Variants in SUGCT observed in about 807,000 individuals in gnomAD.
SUGCT encodes succinyl-CoA:glutarate CoA-transferase.
In SUGCT, 41 loss-of-function variants were observed where a neutral mutation model predicts 55.0. The ratio of observed to expected loss-of-function variants is 0.74; its 90% confidence interval spans 0.58 to 0.97. SUGCT has a LOEUF of 0.97. SUGCT is among the 50% of genes least tolerant of loss of function. The pLI is 0.00. For missense variants in SUGCT, 568 were observed against 547.8 expected (o/e 1.04, Z -0.37); for synonymous variants, 187 against 200.4 (o/e 0.93, Z 0.56).
intron 10 of SUGCT, among the ~76,000 whole-genome samples, chr7:40,455,075 A>G (rs939810437): frequency 6.6e-6 from 1 of 152,160 alleles, no homozygotes; most frequent in Non-Finnish European, 1.5e-5. Flanking sequence ...ACAGATAAAT[A>G]CAACATAAAA....
At chr7:40,991,450 G>A in the SUGCT span, among the ~76,000 whole-genome samples, 1,893 of 152,222 alleles carry the variant, frequency 0.012, 47 homozygotes, top group African/African-American at 0.043. Context: ...ACAGAGACAC[G>A]AAGTGAGTGC....
At chr7:40,384,645 G>T (rs765782393) in intron 9 of SUGCT, among the ~76,000 whole-genome samples, 16 of 151,926 alleles carry the variant, frequency 1.1e-4, no homozygotes, top group Non-Finnish European at 1.9e-4. Context: ...CTGCCTTCAA[G>T]CAATTCTCCT....
In SUGCT at chr7:40,703,466, A is replaced by G. The variant is rs1785258710; in HGVS notation, c.1090-45968A>G. Among the ~76,000 whole-genome samples the G allele has an allele frequency of 2.0e-5, 3 of 152,072 alleles. No individual in the cohort carries two copies. In the South Asian group the frequency reaches 6.2e-4, roughly 32 times the overall value. ...GAAGGTCACCTCCTCTAACCTCTCT[A>G]TATATACATACTCAAACTTCTTTGG... On this transcript the variant is annotated intron_variant, in intron 12 of 13. Transcript: ENST00000335693.
At position 40,181,968 on chromosome 7, in the gene SUGCT, C is replaced by T. The variant is rs1040200664; in HGVS notation, c.166C>T (p.Pro56Ser). 3.1e-6 allele frequency: 5 copies of T among 1,594,392 alleles called. No individual in the cohort carries two copies. The highest frequency in any genetic ancestry group is 4.5e-5 in the East Asian group (2 of 44,274). ...ILDLTRVLAG[P>S]FATMNLGDLG... is the part of the protein sequence containing the mutation. ...TTAACATTGTAGAGTCCTGGCGGGA[C>T]CTTTTGCTACTATGAATTTAGGAGA... is the stretch of plus-strand genomic sequence containing the variant. The change falls in exon 3 of 14, where the codon CCT becomes TCT. Residue 56 changes from proline (P) to serine (S), a missense_variant. Coordinates refer to ENST00000335693, the MANE Select transcript of SUGCT (RefSeq NM_001193313.2).
chr7:40,453,091 C>T lies in SUGCT; in HGVS notation c.888+3733C>T, dbSNP rs76106353. On this transcript the variant is annotated intron_variant, in intron 10 of 13. Coordinates refer to ENST00000335693, the MANE Select transcript of SUGCT (RefSeq NM_001193313.2). ...TGCTCTTTATTCCCGGTGCAAAGAA[C>T]ATGAAAAAGTGAGCTGTAATGTCAG... 8.6e-3 allele frequency among the ~76,000 whole-genome samples: 1,304 copies of T among 152,168 alleles called. 19 individuals are homozygous for T. Among genetic ancestry groups the T allele is most frequent in the African/African-American group, 0.029 (1,224 of 41,512 alleles).
At chr7:40,921,602 C>T in the SUGCT span, among the ~76,000 whole-genome samples, 2 of 152,220 alleles carry the variant, frequency 1.3e-5, 1 homozygote, top group South Asian at 4.1e-4. Flanking sequence ...TCTAAACTTT[C>T]TCCAGTGGCA....
At chr7:40,448,963 G>T (rs77206579) in intron 9 of SUGCT, among the ~76,000 whole-genome samples, 31,468 of 133,598 alleles carry the variant, frequency 0.24, 3,414 homozygotes, top group East Asian at 0.42. Context: ...TATATATATA[G>T]AGAGAGAGAG....
At chr7:40,646,607 A>C (rs1050519414) in intron 12 of SUGCT, among the ~76,000 whole-genome samples, 7 of 151,790 alleles carry the variant, frequency 4.6e-5, no homozygotes, top group African/African-American at 1.7e-4. Context: ...AGCAGAATTT[A>C]TTTCTTCTCC....
intron 13 of SUGCT, among the ~76,000 whole-genome samples, chr7:40,777,061 C>A (rs992200970): frequency 2.0e-5 from 3 of 152,156 alleles, no homozygotes; most frequent in Non-Finnish European, 2.9e-5. Context: ...TAACGGGGAT[C>A]TCCTCTATGA....
chr7:40,308,985 C>T lies in SUGCT; in HGVS notation c.721-7775C>T, dbSNP rs1467519354. On this transcript the variant is annotated intron_variant, in intron 8 of 13. Transcript: ENST00000335693. ...TTGTGCCACTGCACTGCAGCCTGGG[C>T]AACAGAGTTAGACTCTGTCTCAAAC... Among the ~76,000 whole-genome samples, 3 of 152,152 alleles carry T rather than the reference C, an allele frequency of 2.0e-5. No homozygotes were observed. In the South Asian group the frequency reaches 6.2e-4, roughly 32 times the overall value.
chr7:40,790,351 A>T (rs1790248799), intron 13 of SUGCT, among the ~76,000 whole-genome samples: 1 of 152,178 alleles, frequency 6.6e-6, no homozygotes, highest in African/African-American at 2.4e-5. Flanking sequence ...CATGATTATA[A>T]GTTTCCTGAG....
intron 6 of SUGCT, among the ~76,000 whole-genome samples, chr7:40,218,824 C>T (rs1366855501): frequency 2.0e-5 from 3 of 152,128 alleles, no homozygotes; most frequent in African/African-American, 4.8e-5. Flanking sequence ...GACCAGTCAG[C>T]ACTGTCTAAA....
chr7:40,736,247 ATATAT>A (rs986158886), intron 12 of SUGCT, among the ~76,000 whole-genome samples: 70 of 68,674 alleles, frequency 1.0e-3, no homozygotes, highest in East Asian at 1.7e-3. Context: ...ATAATATATA[ATATAT>A]TATAATATTT....
At chr7:40,615,362 C>T (rs1315163313) in intron 12 of SUGCT, among the ~76,000 whole-genome samples, 1 of 151,976 alleles carries the variant, frequency 6.6e-6, no homozygotes, top group Non-Finnish European at 1.5e-5. Context: ...CCCAGAAAAC[C>T]ATTTTTCCAG....
chr7:41,029,161 G>A, the SUGCT span, among the ~76,000 whole-genome samples: 3 of 152,276 alleles, frequency 2.0e-5, no homozygotes, highest in South Asian at 4.1e-4. Context: ...CCTACATGCA[G>A]TGCGATGACC....
chr7:40,706,211 A>T (rs906263584), intron 12 of SUGCT, among the ~76,000 whole-genome samples: 6 of 152,156 alleles, frequency 3.9e-5, no homozygotes, highest in African/African-American at 1.4e-4. Flanking sequence ...CTTCTGGAAA[A>T]GTCATTATGG....
chr7:40,863,000 A>C (rs1584555690), downstream of SUGCT, among the ~76,000 whole-genome samples: 2 of 148,166 alleles, frequency 1.3e-5, no homozygotes, highest in African/African-American at 2.4e-5. Context: ...GCACTTTGGG[A>C]GGCTGAGGCA....
the SUGCT span, among the ~76,000 whole-genome samples, chr7:40,959,104 C>T: frequency 6.6e-6 from 1 of 152,196 alleles, no homozygotes; most frequent in Non-Finnish European, 1.5e-5. Flanking sequence ...TATCTCTTGA[C>T]CCCTGCTGGG....
At chr7:40,503,076 A>G (rs1376195180) in intron 12 of SUGCT, among the ~76,000 whole-genome samples, 13 of 152,130 alleles carry the variant, frequency 8.5e-5, no homozygotes, top group Admixed American at 8.5e-4. Context: ...CTTTTCTCAT[A>G]CAAATAATGT....
Sources: gnomAD v4.1 joint callset for allele counts (sites outside exome capture counted in the v4.1 genomes callset) on GRCh38, gnomAD v4.1.1 for gene constraint, MANE v1.5 for transcripts, NCBI Gene and HGNC (gene_info 2026-07-23, HGNC 2026-07-21) for gene names.